The following SAMD12 variants were observed in gnomAD, a reference collection of about 807,000 sequenced individuals.
The protein encoded by SAMD12 is sterile alpha motif domain-containing protein 12.
Under a neutral mutation model 15.0 loss-of-function variants are expected in SAMD12, and 9 were observed. The observed-to-expected ratio is 0.60, with a 90% confidence interval of 0.36 to 1.05. The LOEUF (loss-of-function observed/expected upper bound fraction) is 1.05, where lower values mean the gene tolerates loss of function less well. Among genes scored for constraint, SAMD12 ranks in the 50% least tolerant of loss-of-function variants. The pLI is 0.01. For synonymous variants in SAMD12, 86 were observed against 90.1 expected (o/e 0.96, Z 0.25); for missense variants, 230 against 234.2 (o/e 0.98, Z 0.12).
chr8:118,410,693 G>A (rs747987841), intron 3 of SAMD12, among the ~76,000 whole-genome samples: 6 of 152,034 alleles, frequency 3.9e-5, no homozygotes, highest in South Asian at 4.1e-4. Flanking sequence ...TTAGTCTGTC[G>A]GCCAGGTGAA....
At chr8:118,621,699 A>C (rs1586865467) in intron 1 of SAMD12, 105 bp downstream of exon 1, 1 of 1,319,222 alleles carries the variant, frequency 7.6e-7, no homozygotes, top group Non-Finnish European at 1.1e-6. Context: ...GCTCTCCGCC[A>C]CCCCCTTTCC....
chr8:118,286,257 G>A lies in SAMD12; in HGVS notation c.434-88525C>T, dbSNP rs141613783. ...GGGGCAGCACACCAACATGGCACAT[G>A]TATACATATGTAACAAACCTGCATG... On this transcript the variant is annotated intron_variant, in intron 4 of 4. Coordinates refer to the SAMD12 transcript ENST00000409003. Among the ~76,000 whole-genome samples, 735 of 152,038 alleles carry A rather than the reference G, an allele frequency of 4.8e-3. 6 individuals carry two copies. Among genetic ancestry groups the A allele is most frequent in the African/African-American group, 0.017 (687 of 41,476 alleles).
At chr8:118,535,960 C>T (rs896676008) in intron 2 of SAMD12, among the ~76,000 whole-genome samples, 2 of 152,184 alleles carry the variant, frequency 1.3e-5, no homozygotes, top group Non-Finnish European at 1.5e-5. Flanking sequence ...CTGTCCTGCA[C>T]CCACTGTCCA....
intron 4 of SAMD12, among the ~76,000 whole-genome samples, chr8:118,218,662 A>G (rs1338090133): frequency 6.6e-6 from 1 of 152,094 alleles, no homozygotes. Flanking sequence ...TTAGCATAAC[A>G]TACTCCAGGT....
intron 2 of SAMD12, among the ~76,000 whole-genome samples, chr8:118,560,108 C>T (rs1039009174): frequency 6.6e-6 from 1 of 152,054 alleles, no homozygotes; most frequent in African/African-American, 2.4e-5. Context: ...CGGGCCTTGC[C>T]AATGGAGTCA....
At chr8:118,350,354 TG>T (rs1006271109) in intron 4 of SAMD12, among the ~76,000 whole-genome samples, 4 of 152,182 alleles carry the variant, frequency 2.6e-5, no homozygotes, top group African/African-American at 9.7e-5. Flanking sequence ...CATGCACCAG[TG>T]TATGTCAATC....
intron 2 of SAMD12, among the ~76,000 whole-genome samples, chr8:118,461,584 G>A (rs573369271): frequency 2.2e-4 from 33 of 152,156 alleles, no homozygotes; most frequent in Non-Finnish European, 3.1e-4. Flanking sequence ...ATGTACATAC[G>A]TAAAATAGTT....
At chr8:118,207,241 G>C (rs1461968742) in intron 4 of SAMD12, among the ~76,000 whole-genome samples, 1 of 152,224 alleles carries the variant, frequency 6.6e-6, no homozygotes, top group African/African-American at 2.4e-5. Context: ...TAGAAGCCTG[G>C]TGACAACAGT....
At chr8:118,166,627 G>A in the SAMD12 span, among the ~76,000 whole-genome samples, 1 of 152,206 alleles carries the variant, frequency 6.6e-6, no homozygotes, top group Admixed American at 6.5e-5. Flanking sequence ...GATGCACAAA[G>A]CTGTTAAAAG....
At chr8:118,472,026 G>A (rs1823811435) in intron 2 of SAMD12, among the ~76,000 whole-genome samples, 1 of 151,780 alleles carries the variant, frequency 6.6e-6, no homozygotes, top group Admixed American at 6.5e-5. Flanking sequence ...GGTGGCTCAC[G>A]CCTGTAATCC....
chr8:118,500,068 T>A (rs867189878), intron 2 of SAMD12, among the ~76,000 whole-genome samples: 2 of 37,444 alleles, frequency 5.3e-5, no homozygotes, highest in Non-Finnish European at 8.8e-5. Flanking sequence ...GAGTTTTGCC[T>A]TTTTTTTTTT....
chr8:118,404,900 A>G (rs1821052710), intron 3 of SAMD12, among the ~76,000 whole-genome samples: 1 of 152,066 alleles, frequency 6.6e-6, no homozygotes, highest in African/African-American at 2.4e-5. Flanking sequence ...GGGCTCAAGT[A>G]ATTCTCCCAC....
rs28370848 is a variant in SAMD12 at position 118,244,173 on chromosome 8, C to A, written c.434-46441G>T. Among the ~76,000 whole-genome samples, 4 of 152,084 alleles carry A rather than the reference C, an allele frequency of 2.6e-5. No homozygotes were observed. In the South Asian group the frequency reaches 8.3e-4, roughly 32 times the overall value. On this transcript the variant is annotated intron_variant, in intron 4 of 4. Coordinates refer to the SAMD12 transcript ENST00000409003. ...GCAGCCATTGTTGGAGTACATACTG[C>A]GCATATATAAAGGTGCTAATTCATT...
the SAMD12 span, among the ~76,000 whole-genome samples, chr8:118,149,545 A>G: frequency 6.6e-6 from 1 of 152,166 alleles, no homozygotes; most frequent in African/African-American, 2.4e-5. Context: ...CTTTCTTTTA[A>G]CAGAGTCTTT....
At chr8:118,415,214 A>G (rs896904336) in intron 3 of SAMD12, among the ~76,000 whole-genome samples, 1 of 152,170 alleles carries the variant, frequency 6.6e-6, no homozygotes, top group African/African-American at 2.4e-5. Context: ...CTTCAGAAGA[A>G]AAGGCAAAGG....
intron 2 of SAMD12, among the ~76,000 whole-genome samples, chr8:118,500,539 C>A (rs1824754796): frequency 6.6e-6 from 1 of 151,958 alleles, no homozygotes; most frequent in Admixed American, 6.5e-5. Flanking sequence ...GGCGCAGTGG[C>A]TCACGCCTGT....
At chr8:118,365,237 C>A (rs1275731632) in intron 4 of SAMD12, among the ~76,000 whole-genome samples, 2 of 152,174 alleles carry the variant, frequency 1.3e-5, no homozygotes, top group Non-Finnish European at 2.9e-5. Flanking sequence ...CAAACTTCTT[C>A]AACCTTCACC....
At chr8:118,561,837 C>A (rs1206701555) in intron 2 of SAMD12, among the ~76,000 whole-genome samples, 1 of 152,172 alleles carries the variant, frequency 6.6e-6, no homozygotes. Context: ...TTACAACTCT[C>A]AACCTGACTA....
At chr8:118,426,307 C>T (rs1822233873) in intron 3 of SAMD12, among the ~76,000 whole-genome samples, 1 of 152,164 alleles carries the variant, frequency 6.6e-6, no homozygotes, top group Non-Finnish European at 1.5e-5. Flanking sequence ...CTCAGCTCCT[C>T]TAATTACCTT....
Sources: allele counts gnomAD v4.1 joint callset (sites outside exome capture counted in the v4.1 genomes callset), GRCh38; gene constraint gnomAD v4.1.1; transcripts MANE v1.5; gene names NCBI Gene and HGNC (gene_info 2026-07-23, HGNC 2026-07-21).